The following PCDHA6 variants were observed in gnomAD, a reference collection of about 807,000 sequenced individuals.
PCDHA6 encodes the protein protocadherin alpha 6.
Under a neutral mutation model 60.3 loss-of-function variants are expected in PCDHA6, and 55 were observed. The ratio of observed to expected loss-of-function variants is 0.91; its 90% CI spans 0.73 to 1.14. The LOEUF is 1.14. Ranked by LOEUF, PCDHA6 falls within the 50% of genes most tolerant of loss-of-function variation. The probability of loss-of-function intolerance (pLI) is 0.00; values close to 1 mark genes in which losing one functional copy is unlikely to be tolerated. For synonymous variants in PCDHA6, 652 were observed against 557.9 expected (o/e 1.17, Z -2.38); for missense variants, 1,327 against 1,256.5 (o/e 1.06, Z -0.85).
At chr5:140,867,346 ATGAT>A (rs1302874220) in intron 1 of PCDHA6, 5 of 152,256 alleles carry the variant, frequency 3.3e-5, no homozygotes, top group East Asian at 1.9e-4. Context: ...AGAGGCTACT[ATGAT>A]TGATTATTTT....
intron 1 of PCDHA6, among the ~76,000 whole-genome samples, chr5:140,917,197 C>T (rs928492760): frequency 2.6e-5 from 4 of 152,236 alleles, no homozygotes; most frequent in African/African-American, 7.2e-5. Flanking sequence ...TCTCTCCAAC[C>T]CTCTTCAATG....
intron 1 of PCDHA6, among the ~76,000 whole-genome samples, chr5:140,952,416 G>A (rs114343205): frequency 2.1e-3 from 324 of 151,824 alleles, no homozygotes; most frequent in African/African-American, 7.0e-3. Flanking sequence ...TTAATGTTCC[G>A]CAGATTCCTA....
At chr5:140,851,402 T>C (rs2042052947) in intron 1 of PCDHA6, 2 of 969,750 alleles carry the variant, frequency 2.1e-6, no homozygotes. Flanking sequence ...ATTATTTTAA[T>C]AAGAAAGAAA....
chr5:140,928,552 G>A lies in PCDHA6; in HGVS notation c.2395-50397G>A, dbSNP rs145928329. On this transcript the variant is annotated intron_variant, in intron 1 of 3. Coordinates refer to ENST00000529310, the MANE Select transcript of PCDHA6 (RefSeq NM_018909.4). ...GGTAGATAGGAATGACAATTATCCGGTTATCTTGTTTCCCTTGCCCAGAAA... is the reference window on the plus strand; with the variant it reads ...GGTAGATAGGAATGACAATTATCCGATTATCTTGTTTCCCTTGCCCAGAAA... The A allele has an allele frequency of 6.7e-4, 1,075 of 1,614,218 alleles. 1 individual carries two copies. Among genetic ancestry groups the A allele is most frequent in the Non-Finnish European group, 8.6e-4 (1,013 of 1,180,042 alleles).
intron 1 of PCDHA6, among the ~76,000 whole-genome samples, chr5:140,933,742 A>G (rs1242551337): frequency 6.6e-6 from 1 of 152,068 alleles, no homozygotes; most frequent in Non-Finnish European, 1.5e-5. Context: ...AATATTTGGT[A>G]GAATTCACTA....
In PCDHA6 at chr5:140,853,642, T is replaced by C. The variant is rs112112795; in HGVS notation, c.2394+23157T>C. 87 of 988,768 alleles carry C rather than the reference T, an allele frequency of 8.8e-5. 2 individuals carry two copies. Among genetic ancestry groups the C allele is most frequent in the Middle Eastern group, 1.1e-3 (2 of 1,882 alleles). 61.2% of individuals were successfully genotyped at this position (988,768 alleles called of 1,614,324 possible). A position where few individuals can be genotyped will look rare whatever the true frequency, so the allele number is the denominator to read the frequency against. ...AAGTATACAAGATCACAGACCTAAA[T>C]TGAGCCTGTTCCAGACAAATTGGGG... On this transcript the variant is annotated intron_variant, in intron 1 of 3. Coordinates refer to ENST00000529310, the MANE Select transcript of PCDHA6 (RefSeq NM_018909.4).
intron 1 of PCDHA6, among the ~76,000 whole-genome samples, chr5:140,973,691 T>C (rs1420618979): frequency 6.6e-6 from 1 of 152,224 alleles, no homozygotes; most frequent in Non-Finnish European, 1.5e-5. Context: ...GGCCTACTGT[T>C]TCCTTCTGAC....
At chr5:140,870,125 A>G (rs782777018) in intron 1 of PCDHA6, 29 of 1,613,792 alleles carry the variant, frequency 1.8e-5, no homozygotes, top group African/African-American at 2.7e-5. Flanking sequence ...GAAATCTTGG[A>G]CACCAACGAT....
chr5:140,868,262 C>T (rs904607540), intron 1 of PCDHA6: 10 of 151,822 alleles, frequency 6.6e-5, no homozygotes, highest in African/African-American at 2.4e-4. Flanking sequence ...TTTGTGGATT[C>T]TTTTTTAAAA....
intron 1 of PCDHA6, chr5:140,864,514 A>ATTTTACTTCTTAATT (rs2048501242): frequency 6.6e-6 from 1 of 152,082 alleles, no homozygotes; most frequent in African/African-American, 2.4e-5. Context: ...TTTAAAGGTG[A>ATTTTACTTCTTAATT]TTTTACTTCT....
At chr5:140,917,374 C>T (rs1378508006) in intron 1 of PCDHA6, among the ~76,000 whole-genome samples, 1 of 151,778 alleles carries the variant, frequency 6.6e-6, no homozygotes, top group East Asian at 1.9e-4. Flanking sequence ...CTTGCTCCAC[C>T]TCAATAGTCT....
intron 1 of PCDHA6, among the ~76,000 whole-genome samples, chr5:140,914,944 CT>C (rs35695909): frequency 0.29 from 37,051 of 128,010 alleles, 4,894 homozygotes; most frequent in East Asian, 0.5. Flanking sequence ...GAAAAGTTGT[CT>C]TTTTTTTTTT....
chr5:141,000,389 C>CTATATA (rs2097911342), intron 3 of PCDHA6, among the ~76,000 whole-genome samples: 2 of 62,586 alleles, frequency 3.2e-5, no homozygotes, highest in African/African-American at 7.0e-5. Flanking sequence ...CTCTCTCTCT[C>CTATATA]TCTCTCTATA....
chr5:140,926,823 G>A (rs1454618329), intron 1 of PCDHA6: 2 of 1,496,880 alleles, frequency 1.3e-6, no homozygotes, highest in Non-Finnish European at 1.8e-6. Flanking sequence ...TGCTCTCCAG[G>A]AGTCCGGAGC....
intron 1 of PCDHA6, among the ~76,000 whole-genome samples, chr5:140,894,053 T>C (rs782239740): frequency 2.4e-4 from 37 of 152,336 alleles, no homozygotes; most frequent in Non-Finnish European, 5.1e-4. Context: ...CTCTGTTGAA[T>C]TGATTTTTAA....
Position 140,857,105 on chromosome 5 carries a change from T to G in PCDHA6, c.2394+26620T>G. On this transcript the variant is annotated intron_variant, in intron 1 of 3. Transcript: ENST00000529310. The stretch of plus-strand genomic sequence containing the variant: ...TAATTCACCTGAGGTGATTGTCACT[T>G]CTCTGTCTCTCCCAGTGAAAGAAGA... The G allele has an allele frequency of 1.9e-6, 3 of 1,597,820 alleles. 1 individual carries two copies. Among genetic ancestry groups the G allele is most frequent in the Non-Finnish European group, 2.6e-6 (3 of 1,167,424 alleles).
chr5:140,849,765 G>A, intron 1 of PCDHA6: 1 of 1,598,514 alleles, frequency 6.3e-7, no homozygotes, highest in Non-Finnish European at 8.6e-7. Context: ...CTACGAGCTG[G>A]TGGTTACCGC....
At chr5:140,884,281 G>C in intron 1 of PCDHA6, 4 of 1,613,614 alleles carry the variant, frequency 2.5e-6, no homozygotes, top group Non-Finnish European at 3.4e-6. Flanking sequence ...CGCTGGTGGA[G>C]AGCGGCCAAG....
At chr5:140,861,470 G>A (rs1554154806) in intron 1 of PCDHA6, 1 of 492,724 alleles carries the variant, frequency 2.0e-6, no homozygotes, top group Non-Finnish European at 4.2e-6. Context: ...TAAATCTGCA[G>A]AATGGCATTT....
Sources: allele counts gnomAD v4.1 joint callset (sites outside exome capture counted in the v4.1 genomes callset), GRCh38; gene constraint gnomAD v4.1.1; transcripts MANE v1.5; gene names NCBI Gene and HGNC (gene_info 2026-07-23, HGNC 2026-07-21).